The following NFATC2 variants were observed in gnomAD, a reference collection of about 807,000 sequenced individuals.
The protein encoded by NFATC2 is nuclear factor of activated T-cells, cytoplasmic 2.
Under a neutral mutation model 87.3 loss-of-function variants are expected in NFATC2, and 22 were observed. The ratio of observed to expected loss-of-function variants is 0.25; its 90% CI spans 0.18 to 0.36. NFATC2 has a LOEUF of 0.36. Ranked by LOEUF, NFATC2 falls within the 10% of genes least tolerant of loss-of-function variation. The pLI is 1.00. For synonymous variants in NFATC2, 565 were observed against 542.2 expected (o/e 1.04, Z -0.58); for missense variants, 1,149 against 1,259.1 (o/e 0.91, Z 1.32).
intron 9 of NFATC2, among the ~76,000 whole-genome samples, chr20:51,431,780 C>T (rs1600716867): frequency 6.6e-6 from 1 of 151,620 alleles, no homozygotes; most frequent in Non-Finnish European, 1.5e-5. Context: ...CAGTTCATGA[C>T]CCAGGGGATG....
intron 3 of NFATC2, among the ~76,000 whole-genome samples, chr20:51,482,419 A>G (rs1295455246): frequency 6.6e-6 from 1 of 152,170 alleles, no homozygotes; most frequent in Non-Finnish European, 1.5e-5. Flanking sequence ...AGGAAAAAAT[A>G]GACAAGATAA....
chr20:51,545,936 A>G (rs953587638), upstream of NFATC2, among the ~76,000 whole-genome samples: 3 of 152,202 alleles, frequency 2.0e-5, no homozygotes, highest in South Asian at 4.1e-4. Flanking sequence ...GCCTGGATGA[A>G]TGTAGAGTTT....
At chr20:51,437,857 C>T (rs1031964618) in intron 6 of NFATC2, among the ~76,000 whole-genome samples, 2 of 152,218 alleles carry the variant, frequency 1.3e-5, no homozygotes, top group African/African-American at 4.8e-5. Flanking sequence ...AATGCCTAAT[C>T]AACATCTCAT....
In NFATC2 at chr20:51,440,838, G is replaced by T. The variant is rs113637026; in HGVS notation, c.1850-5077C>A. Among the ~76,000 whole-genome samples, 18 of 152,318 alleles carry T rather than the reference G, an allele frequency of 1.2e-4. No homozygotes were observed. In the East Asian group the frequency reaches 2.9e-3, roughly 24 times the overall value. Reference sequence around the variant, plus strand: ...AGGCTGGTCTCTAAGGGAAGTGTGCGGTTTGCAAGGTACCTTGGGGTCATT... The same window carrying T: ...AGGCTGGTCTCTAAGGGAAGTGTGCTGTTTGCAAGGTACCTTGGGGTCATT... On this transcript the variant is annotated intron_variant, in intron 6 of 10. Transcript: ENST00000371564.
At chr20:51,405,912 G>T (rs530779492) in intron 9 of NFATC2, among the ~76,000 whole-genome samples, 13 of 152,272 alleles carry the variant, frequency 8.5e-5, no homozygotes, top group African/African-American at 3.1e-4. Context: ...GAGTAGTTGG[G>T]ATTACAGGTG....
At chr20:51,425,778 C>G (rs1600705822) in intron 9 of NFATC2, among the ~76,000 whole-genome samples, 1 of 152,216 alleles carries the variant, frequency 6.6e-6, no homozygotes, top group East Asian at 1.9e-4. Context: ...GTTCATTCCT[C>G]CCCCGCCTGT....
intron 5 of NFATC2, among the ~76,000 whole-genome samples, chr20:51,472,009 T>C (rs1988251989): frequency 6.6e-6 from 1 of 152,074 alleles, no homozygotes; most frequent in Non-Finnish European, 1.5e-5. Context: ...TCCCAGCACT[T>C]TGGGAGGCTG....
chr20:51,457,425 C>T (rs1027401686), intron 5 of NFATC2, among the ~76,000 whole-genome samples: 3 of 152,184 alleles, frequency 2.0e-5, no homozygotes, highest in Non-Finnish European at 2.9e-5. Context: ...GAGGCTGGCG[C>T]GGACAGTTGG....
At chr20:51,401,454 GCCATT>G (rs1450810472) in intron 9 of NFATC2, among the ~76,000 whole-genome samples, 1 of 152,150 alleles carries the variant, frequency 6.6e-6, no homozygotes, top group Non-Finnish European at 1.5e-5. Flanking sequence ...TCTAAAAGAG[GCCATT>G]CCAATAACCA....
chr20:51,401,915 T>C (rs148943565), intron 9 of NFATC2, among the ~76,000 whole-genome samples: 184 of 152,318 alleles, frequency 1.2e-3, no homozygotes, highest in African/African-American at 4.2e-3. Context: ...TTGACAAATA[T>C]ACAACTAGCT....
At chr20:51,430,042 G>C (rs1309224925) in intron 9 of NFATC2, among the ~76,000 whole-genome samples, 2 of 152,118 alleles carry the variant, frequency 1.3e-5, no homozygotes, top group Non-Finnish European at 2.9e-5. Flanking sequence ...GACATCTGTG[G>C]ATCCGGGGCT....
At chr20:51,438,443 G>GGAAA (rs11481854) in intron 6 of NFATC2, among the ~76,000 whole-genome samples, 3 of 139,006 alleles carry the variant, frequency 2.2e-5, no homozygotes, top group Non-Finnish European at 4.6e-5. Context: ...AGCTTGCTTT[G>GGAAA]AAAAAAAAAA....
intron 6 of NFATC2, among the ~76,000 whole-genome samples, chr20:51,440,170 A>G (rs969366544): frequency 1.4e-5 from 2 of 143,470 alleles, no homozygotes; most frequent in Middle Eastern, 3.7e-3. Context: ...CCAGAGATGG[A>G]GGTTGCAGTG....
At chr20:51,540,944 T>A (rs2146801972) in intron 1 of NFATC2, among the ~76,000 whole-genome samples, 1 of 152,206 alleles carries the variant, frequency 6.6e-6, no homozygotes, top group Non-Finnish European at 1.5e-5. Flanking sequence ...GTTTGCAGAT[T>A]CTTAATTGTA....
intron 1 of NFATC2, among the ~76,000 whole-genome samples, chr20:51,539,328 A>G (rs992745939): frequency 1.3e-5 from 2 of 152,206 alleles, no homozygotes; most frequent in Non-Finnish European, 2.9e-5. Flanking sequence ...AAAACCTAAT[A>G]AAAAGATTAA....
At chr20:51,458,222 C>T (rs903758411) in intron 5 of NFATC2, among the ~76,000 whole-genome samples, 2 of 152,134 alleles carry the variant, frequency 1.3e-5, no homozygotes, top group Non-Finnish European at 2.9e-5. Flanking sequence ...GACACTATTG[C>T]CATTTGGAGC....
intron 1 of NFATC2, among the ~76,000 whole-genome samples, chr20:51,555,348 C>T (rs986891112): frequency 2.6e-5 from 4 of 152,228 alleles, no homozygotes; most frequent in Non-Finnish European, 2.9e-5. Flanking sequence ...AATCCCAGCA[C>T]TTTGGGAGGC....
rs573652894 is a variant in NFATC2, at chr20:51,432,737, C to T, written c.2052G>A (p.Glu684=). The T allele has an allele frequency of 5.7e-6, 9 of 1,582,260 alleles. No individual in the cohort carries two copies. The East Asian group carries it at 9.0e-5, about 16-fold the overall frequency. ...GAGTGGGGTCATATTCATCCGTGGGCTCCGTCTTGATGGCTGGGACTGGGA... is the reference window on the plus strand; with the variant it reads ...GAGTGGGGTCATATTCATCCGTGGGTTCCGTCTTGATGGCTGGGACTGGGA... ...TYHPVPAIKT[E]PTDEYDPTLI... is the part of the protein sequence containing the mutation. The change falls in exon 9 of 11, where the codon GAG becomes GAA. Residue 684 remains glutamate (E), a synonymous_variant. Coordinates refer to ENST00000371564, the MANE Select transcript of NFATC2 (RefSeq NM_012340.5). The surrounding 1 kb of genome is among the most constrained non-coding windows in gnomAD (Gnocchi z 4.6).
In NFATC2 at chr20:51,524,564, G is replaced by A. The variant is rs896031479; in HGVS notation, c.131-454C>T. Reference sequence around the variant, plus strand: ...TAGACGGATCCCCTAACCCGTCTGCGCGGTAGGTCATGACCCCTAGTTTGA... The same window carrying A: ...TAGACGGATCCCCTAACCCGTCTGCACGGTAGGTCATGACCCCTAGTTTGA... On this transcript the variant is annotated intron_variant, in intron 1 of 10. Transcript: ENST00000371564. This position sits in a 1 kb window ranked among gnomAD's most constrained non-coding sequence, Gnocchi z 4.0. Among the ~76,000 whole-genome samples, 1 of 152,012 alleles carries A rather than the reference G, an allele frequency of 6.6e-6. No homozygotes were observed. Among genetic ancestry groups the A allele is most frequent in the Non-Finnish European group, 1.5e-5 (1 of 68,022 alleles).
Sources: allele counts gnomAD v4.1 joint callset (sites outside exome capture counted in the v4.1 genomes callset), GRCh38; gene constraint gnomAD v4.1.1; non-coding constraint Gnocchi (gnomAD v3.1); transcripts MANE v1.5; gene names NCBI Gene and HGNC (gene_info 2026-07-23, HGNC 2026-07-21).